CDH13: variants seen among roughly 807,000 people sequenced by gnomAD.
CDH13 encodes cadherin 13, also known as cadherin-13.
A neutral mutation model predicts 63.8 loss-of-function variants in CDH13; 24 were observed. The observed-to-expected ratio is 0.38, with a 90% confidence interval of 0.27 to 0.53. CDH13 has a LOEUF of 0.53. Among genes scored for constraint, CDH13 ranks in the 20% least tolerant of loss-of-function variants. The probability of loss-of-function intolerance (pLI) is 0.85; values close to 1 mark genes in which losing one functional copy is unlikely to be tolerated. For synonymous variants in CDH13, 503 were observed against 355.3 expected, an observed-to-expected ratio of 1.42 and a Z score of -4.67; for missense variants, 1,049 against 903.1, an observed-to-expected ratio of 1.16 and a Z score of -2.07.
At chr16:83,353,434 C>T (rs186283677) in intron 6 of CDH13, among the ~76,000 whole-genome samples, 25 of 152,364 alleles carry the variant, frequency 1.6e-4, no homozygotes, top group Non-Finnish European at 2.9e-4. Context: ...ATGTTAGGAC[C>T]CTTGGCTGCT....
chr16:83,658,300 CCACCAGG>C (rs1913079526), intron 8 of CDH13, among the ~76,000 whole-genome samples: 1 of 109,230 alleles, frequency 9.2e-6, no homozygotes, highest in African/African-American at 3.4e-5. Flanking sequence ...CATGTCCTCA[CCACCAGG>C]TCCCGTATCC....
At chr16:83,526,453 T>C (rs1432356881) in intron 7 of CDH13, among the ~76,000 whole-genome samples, 1 of 152,154 alleles carries the variant, frequency 6.6e-6, no homozygotes, top group Non-Finnish European at 1.5e-5. Context: ...TAGATTCTCA[T>C]AAGGAGCATG....
intron 6 of CDH13, among the ~76,000 whole-genome samples, chr16:83,379,414 G>T (rs1183816491): frequency 6.6e-6 from 1 of 152,150 alleles, no homozygotes; most frequent in East Asian, 1.9e-4. Flanking sequence ...TGAGTGGATG[G>T]ATGGATGGTA....
chr16:83,776,453 C>T (rs1915120180), intron 11 of CDH13, among the ~76,000 whole-genome samples: 1 of 152,152 alleles, frequency 6.6e-6, no homozygotes, highest in Non-Finnish European at 1.5e-5. Flanking sequence ...TGATATGCCA[C>T]CATTAGAAAT....
chr16:82,904,855 C>T (rs563073968), intron 2 of CDH13, among the ~76,000 whole-genome samples: 1 of 149,896 alleles, frequency 6.7e-6, no homozygotes, highest in Non-Finnish European at 1.5e-5. Context: ...GACATTTGAA[C>T]TAAATGAACC....
chr16:83,734,670 C>T (rs1911363279), intron 10 of CDH13, among the ~76,000 whole-genome samples: 1 of 150,810 alleles, frequency 6.6e-6, no homozygotes, highest in South Asian at 2.1e-4. Flanking sequence ...CAGCATGGCA[C>T]ATGTATACAT....
intron 1 of CDH13, among the ~76,000 whole-genome samples, chr16:82,666,698 C>G (rs1912627393): frequency 6.6e-6 from 1 of 152,156 alleles, no homozygotes; most frequent in South Asian, 2.1e-4. Context: ...ATTTGTGGTG[C>G]ATATCACAAT....
chr16:83,523,218 G>A lies in CDH13; in HGVS notation c.960+36563G>A, dbSNP rs759752537. ...TGAGTGCAGGATCCATGTCTATGGC[G>A]TCCACCCTGTAGCTGTAGCACTTAG... is the stretch of plus-strand genomic sequence containing the variant. On this transcript the variant is annotated intron_variant, in intron 7 of 13. Transcript: ENST00000567109. Among the ~76,000 whole-genome samples the A allele has an allele frequency of 5.3e-5, 8 of 152,236 alleles. No individual in the cohort carries two copies. In the East Asian group the frequency reaches 5.8e-4, roughly 11 times the overall value.
intron 2 of CDH13, among the ~76,000 whole-genome samples, chr16:82,925,107 C>T (rs2042264610): frequency 6.6e-6 from 1 of 152,106 alleles, no homozygotes; most frequent in South Asian, 2.1e-4. Flanking sequence ...CTTCATGCTG[C>T]AAGATTCCCC....
At position 83,054,420 on chromosome 16, in the gene CDH13, A is replaced by T. The variant is rs8056308; in HGVS notation, c.366+22202A>T. 7.0e-3 allele frequency among the ~76,000 whole-genome samples: 1,070 copies of T among 152,342 alleles called. 11 individuals carry two copies. Among genetic ancestry groups the T allele is most frequent in the African/African-American group, 0.024 (999 of 41,574 alleles). ...AAAGCTTACTTGCATACAAGCACTG[A>T]TATCTCAGCAGTTGACATAACTACA... On this transcript the variant is annotated intron_variant, in intron 3 of 13. Coordinates refer to ENST00000567109, the MANE Select transcript of CDH13 (RefSeq NM_001257.5).
chr16:83,254,498 A>G (rs1221625537), intron 5 of CDH13, among the ~76,000 whole-genome samples: 1 of 152,204 alleles, frequency 6.6e-6, no homozygotes, highest in East Asian at 1.9e-4. Context: ...ACGCAGGATC[A>G]AATGTGTGGT....
intron 5 of CDH13, among the ~76,000 whole-genome samples, chr16:83,244,620 C>A (rs1365514328): frequency 1.3e-5 from 2 of 152,040 alleles, no homozygotes; most frequent in Non-Finnish European, 2.9e-5. Context: ...TGGTGATTTG[C>A]TAGAAAGACT....
At chr16:82,671,013 C>T (rs74639829) in intron 1 of CDH13, among the ~76,000 whole-genome samples, 1,997 of 152,276 alleles carry the variant, frequency 0.013, 52 homozygotes, top group African/African-American at 0.046. Flanking sequence ...ATGTGTCATA[C>T]ACTATGTCAA....
intron 5 of CDH13, among the ~76,000 whole-genome samples, chr16:83,309,682 T>C (rs1453347376): frequency 3.3e-4 from 50 of 152,196 alleles, no homozygotes; most frequent in Non-Finnish European, 1.5e-5. Context: ...GCCCCCTCCT[T>C]CTGAAACTTG....
rs1904305391 is a variant in CDH13 at position 83,799,680 on chromosome 16, C to G, written c.*4650C>G. ...AAAGACCTCCATCTTCTCTCCTTAA[C>G]TGACTGTTGAGATTTGATAATTTTC... is the stretch of plus-strand genomic sequence containing the variant. On this transcript the variant is annotated 3_prime_UTR_variant, in exon 14 of 14. Transcript: ENST00000567109. 1 of 152,228 alleles carries G rather than the reference C, an allele frequency of 6.6e-6. No individual in the cohort carries two copies. The highest frequency in any genetic ancestry group is 1.5e-5 in the Non-Finnish European group (1 of 68,040). The allele number at this position is 152,228 out of a possible 1,614,324, so 9.4% of individuals were successfully genotyped here. A position where few individuals can be genotyped will look rare whatever the true frequency, so the allele number is the denominator to read the frequency against.
intron 7 of CDH13, among the ~76,000 whole-genome samples, chr16:83,554,300 T>G (rs1192686750): frequency 1.3e-5 from 2 of 151,510 alleles, no homozygotes; most frequent in South Asian, 2.1e-4. Context: ...GACAGGAATA[T>G]GCACTGGCAG....
chr16:83,133,598 A>C (rs1006234441), intron 4 of CDH13, among the ~76,000 whole-genome samples: 1 of 152,140 alleles, frequency 6.6e-6, no homozygotes, highest in Non-Finnish European at 1.5e-5. Flanking sequence ...TCCGGGGTTC[A>C]AGAGATTCTC....
intron 5 of CDH13, among the ~76,000 whole-genome samples, chr16:83,240,819 C>T (rs952074755): frequency 7.0e-6 from 1 of 142,424 alleles, no homozygotes; most frequent in Non-Finnish European, 1.5e-5. Flanking sequence ...GTCTCAGTCC[C>T]CCAAGAAGCT....
intron 1 of CDH13, among the ~76,000 whole-genome samples, chr16:82,658,209 C>A (rs913608337): frequency 6.6e-6 from 1 of 152,146 alleles, no homozygotes; most frequent in South Asian, 2.1e-4. Context: ...GGTCATCATC[C>A]CAGGCTTAGC....
Sources: allele counts gnomAD v4.1 joint callset (sites outside exome capture counted in the v4.1 genomes callset), GRCh38; gene constraint gnomAD v4.1.1; transcripts MANE v1.5; gene names NCBI Gene and HGNC (gene_info 2026-07-23, HGNC 2026-07-21).